The following RHPN2 variants were observed in gnomAD, a reference collection of about 807,000 sequenced individuals.
RHPN2 encodes the protein rhophilin Rho GTPase binding protein 2.
Under a neutral mutation model 79.0 loss-of-function variants are expected in RHPN2, and 40 were observed. That is an observed-to-expected ratio of 0.51 (90% CI 0.39 to 0.66). The LOEUF (loss-of-function observed/expected upper bound fraction) is 0.66. RHPN2 is among the 30% of genes least tolerant of loss of function. The pLI is 0.00. For missense variants in RHPN2, 686 were observed against 883.5 expected, an observed-to-expected ratio of 0.78 and a Z score of 2.83; for synonymous variants, 285 against 363.5, an observed-to-expected ratio of 0.78 and a Z score of 2.46.
chr19:33,008,538 G>A (rs1971812124), intron 6 of RHPN2, among the ~76,000 whole-genome samples: 2 of 152,054 alleles, frequency 1.3e-5, no homozygotes, highest in Admixed American at 1.3e-4. Flanking sequence ...GGGAGGCCGA[G>A]GCAGGTGGAT....
Position 32,991,806 on chromosome 19 carries a change from G to C in RHPN2, c.1644+17C>G, listed in dbSNP as rs1971661810. 3 of 1,613,918 alleles carry C rather than the reference G, an allele frequency of 1.9e-6. No individual in the cohort carries two copies. On this transcript the variant is annotated intron_variant, in intron 13 of 14. Coordinates refer to ENST00000254260, the MANE Select transcript of RHPN2 (RefSeq NM_033103.5). ...GATATCTGTGTTTGCTGCCAATCAAGAAAAGCATGTGCTTACCGAGGCAGA... is the reference window on the plus strand; with the variant it reads ...GATATCTGTGTTTGCTGCCAATCAACAAAAGCATGTGCTTACCGAGGCAGA...
At chr19:33,050,865 T>A (rs560228372) in intron 1 of RHPN2, among the ~76,000 whole-genome samples, 1 of 151,860 alleles carries the variant, frequency 6.6e-6, no homozygotes, top group African/African-American at 2.4e-5. Flanking sequence ...TCCTTTTTTA[T>A]TGTGGGATAG....
chr19:33,011,729 G>C lies in RHPN2; in HGVS notation c.543C>G (p.Val181=). 1 of 1,613,922 alleles carries C rather than the reference G, an allele frequency of 6.2e-7. No homozygotes were observed. The highest frequency in any genetic ancestry group is 2.2e-5 in the East Asian group (1 of 44,872). Residue 181 remains valine (V), a synonymous_variant, in exon 6 of 15, where the codon GTC becomes GTG. Coordinates refer to ENST00000254260, the MANE Select transcript of RHPN2 (RefSeq NM_033103.5). ...LMTYFIQLGF[V]ESRFFPPTRQ... Reference sequence around the variant, plus strand: ...GTGTGGGCGGGAAGAATCGACTCTCGACAAAGCCCAGCTGGATGAAGTATG... The same window carrying C: ...GTGTGGGCGGGAAGAATCGACTCTCCACAAAGCCCAGCTGGATGAAGTATG...
chr19:32,992,175 A>C (rs10412026), intron 12 of RHPN2: 105,423 of 598,188 alleles, frequency 0.18, 10,274 homozygotes, highest in Non-Finnish European at 0.2. Flanking sequence ...TTTTCAATAA[A>C]ATTATCTTTT....
At chr19:33,013,788 A>G (rs1016798875) in intron 4 of RHPN2, among the ~76,000 whole-genome samples, 1 of 152,110 alleles carries the variant, frequency 6.6e-6, no homozygotes, top group African/African-American at 2.4e-5. Context: ...GACTGTCAAT[A>G]ACAGTCTCCA....
At chr19:33,004,434 A>G (rs1248168734) in intron 7 of RHPN2, among the ~76,000 whole-genome samples, 1 of 152,178 alleles carries the variant, frequency 6.6e-6, no homozygotes, top group Admixed American at 6.6e-5. Flanking sequence ...TGAACTGCAC[A>G]CTTAAAAATG....
At chr19:33,040,184 A>C (rs1009386636) in intron 2 of RHPN2, among the ~76,000 whole-genome samples, 2 of 151,850 alleles carry the variant, frequency 1.3e-5, no homozygotes, top group African/African-American at 4.8e-5. Context: ...TTGTTCAAAG[A>C]ATCAAAGAAC....
intron 2 of RHPN2, among the ~76,000 whole-genome samples, chr19:33,037,663 C>A (rs1722139491): frequency 1.3e-5 from 2 of 152,106 alleles, no homozygotes; most frequent in African/African-American, 4.8e-5. Context: ...CTGTAACACT[C>A]ACCGCAGAGG....
chr19:32,988,739 G>C (rs372287332), intron 14 of RHPN2, among the ~76,000 whole-genome samples: 4 of 152,262 alleles, frequency 2.6e-5, no homozygotes, highest in African/African-American at 9.6e-5. Context: ...TTGTCCCTCT[G>C]CAACTGGCTC....
chr19:33,012,753 A>C, intron 4 of RHPN2, 29 bp from the exon 5 acceptor site: 1 of 1,317,144 alleles, frequency 7.6e-7, no homozygotes, highest in Non-Finnish European at 1.1e-6. Flanking sequence ...CAGATGTTAT[A>C]AAGTGTGGCT....
rs1599832295 is a variant in RHPN2, at chr19:33,044,169, GA to G, written c.185+79del. The G allele has an allele frequency of 1.1e-5, 13 of 1,130,660 alleles. No homozygotes were observed. In the East Asian group the frequency reaches 3.1e-4, roughly 27 times the overall value. 70.0% of individuals were successfully genotyped at this position (1,130,660 alleles called of 1,614,324 possible). A position where few individuals can be genotyped will look rare whatever the true frequency, so the allele number is the denominator to read the frequency against. Reference sequence around the variant, plus strand: ...AGAAATGAGGAGGAAACCCAAAGCTGAAACCAAGAGCCTGGCCTGGGAGTTT... The same window carrying G: ...AGAAATGAGGAGGAAACCCAAAGCTGAACCAAGAGCCTGGCCTGGGAGTTT... On this transcript the variant is annotated intron_variant, in intron 2 of 14. Transcript: ENST00000254260.
In RHPN2 at chr19:33,002,921, G is replaced by A; in HGVS notation, c.840C>T (p.Val280=). The change falls in exon 8 of 15, where the codon GTC becomes GTT. Residue 280 remains valine (V), a synonymous_variant. Coordinates refer to ENST00000254260, the MANE Select transcript of RHPN2 (RefSeq NM_033103.5). ...DMSPAMLSVL[V]KMMLAQAQES... ...CTTGGGCTTGTGCAAGCATCATTTTGACGAGCACGCTGAGCATGGCAGGGC... is the reference window on the plus strand; with the variant it reads ...CTTGGGCTTGTGCAAGCATCATTTTAACGAGCACGCTGAGCATGGCAGGGC... 6.2e-7 allele frequency: 1 copy of A among 1,613,938 alleles called. No homozygotes were observed. Among genetic ancestry groups the A allele is most frequent in the East Asian group, 2.2e-5 (1 of 44,870 alleles).
intron 11 of RHPN2, 54 bp from the exon 12 acceptor site, chr19:32,994,107 T>A: frequency 7.7e-7 from 1 of 1,294,786 alleles, no homozygotes. Flanking sequence ...TTGAAAGTGA[T>A]CCTAATAGTC....
intron 1 of RHPN2, among the ~76,000 whole-genome samples, chr19:33,048,054 T>C (rs974572776): frequency 3.3e-5 from 5 of 152,060 alleles, no homozygotes; most frequent in Admixed American, 3.3e-4. Flanking sequence ...TTCCCCCAAG[T>C]TCAAATTGCA....
intron 1 of RHPN2, among the ~76,000 whole-genome samples, chr19:33,061,122 TG>T (rs894722749): frequency 5.3e-5 from 8 of 151,774 alleles, no homozygotes; most frequent in Admixed American, 3.9e-4. Context: ...CTCCACACCC[TG>T]GGGGGGCCTA....
rs1242551654 is a variant in RHPN2 at position 33,009,979 on chromosome 19, G to A, written c.593+1700C>T. 6.6e-5 allele frequency among the ~76,000 whole-genome samples: 10 copies of A among 151,768 alleles called. No homozygotes were observed. In the East Asian group the frequency reaches 9.8e-4, roughly 15 times the overall value. Reference sequence around the variant, plus strand: ...TTTTTAGTAGAGACAGGGTTTCGCCGTGTTGGTCAGGATGGTCTTGAACTC... The same window carrying A: ...TTTTTAGTAGAGACAGGGTTTCGCCATGTTGGTCAGGATGGTCTTGAACTC... On this transcript the variant is annotated intron_variant, in intron 6 of 14. Transcript: ENST00000254260.
At position 32,986,427 on chromosome 19, in the gene RHPN2, T is replaced by G. The variant is rs1159012094; in HGVS notation, c.1800+4087A>C. Among the ~76,000 whole-genome samples, 3 of 152,328 alleles carry G rather than the reference T, an allele frequency of 2.0e-5. No homozygotes were observed. The South Asian group carries it at 6.2e-4, about 32-fold the overall frequency. On this transcript the variant is annotated intron_variant, in intron 14 of 14. Coordinates refer to ENST00000254260, the MANE Select transcript of RHPN2 (RefSeq NM_033103.5). Reference sequence around the variant, plus strand: ...CACTTGTCCAGAAACTCCATGGATTTTGTCCCTAAAAATATGATTTCTTAT... The same window carrying G: ...CACTTGTCCAGAAACTCCATGGATTGTGTCCCTAAAAATATGATTTCTTAT...
chr19:32,983,172 C>T (rs1307342988), intron 14 of RHPN2, among the ~76,000 whole-genome samples: 1 of 151,708 alleles, frequency 6.6e-6, no homozygotes, highest in African/African-American at 2.4e-5. Flanking sequence ...AACACACACA[C>T]ACACACACAC....
At chr19:33,010,275 T>C (rs916938439) in intron 6 of RHPN2, among the ~76,000 whole-genome samples, 1 of 152,096 alleles carries the variant, frequency 6.6e-6, no homozygotes, top group African/African-American at 2.4e-5. Context: ...TGTAGAAACA[T>C]TGAATTCTGA....
Sources: allele counts gnomAD v4.1 joint callset (sites outside exome capture counted in the v4.1 genomes callset), GRCh38; gene constraint gnomAD v4.1.1; transcripts MANE v1.5; gene names NCBI Gene and HGNC (gene_info 2026-07-23, HGNC 2026-07-21).